Variants in PLAA observed in about 807,000 individuals in gnomAD.
The protein encoded by PLAA is phospholipase A2 activating protein, also known as phospholipase A-2-activating protein.
PLAA carries 48 observed loss-of-function variants against 84.1 expected under a neutral mutation model. The observed-to-expected ratio is 0.57, with a 90% CI of 0.45 to 0.73. The LOEUF (loss-of-function observed/expected upper bound fraction) is 0.73. Among genes scored for constraint, PLAA ranks in the 30% least tolerant of loss-of-function variants. The probability of loss-of-function intolerance (pLI) is 0.00; values close to 1 mark genes in which losing one functional copy is unlikely to be tolerated. For missense variants in PLAA, 903 were observed against 954.7 expected, an observed-to-expected ratio of 0.95 and a Z score of 0.71; for synonymous variants, 392 against 336.6, an observed-to-expected ratio of 1.16 and a Z score of -1.80.
intron 13 of PLAA, among the ~76,000 whole-genome samples, chr9:26,906,432 T>A (rs1824238942): frequency 6.7e-6 from 1 of 148,152 alleles, no homozygotes; most frequent in African/African-American, 2.5e-5. Flanking sequence ...TCTTTTTTTT[T>A]TTTTTTTTTT....
intron 1 of PLAA, among the ~76,000 whole-genome samples, chr9:26,938,506 T>G (rs972923006): frequency 2.1e-4 from 31 of 149,428 alleles, no homozygotes; most frequent in Non-Finnish European, 2.9e-5. Flanking sequence ...GAGCTATGAC[T>G]GTACCACTGT....
intron 6 of PLAA, among the ~76,000 whole-genome samples, chr9:26,924,934 C>G (rs1001354137): frequency 2.6e-5 from 4 of 152,192 alleles, no homozygotes; most frequent in African/African-American, 7.2e-5. Flanking sequence ...GGCTCACCAC[C>G]ACTGCAGACC....
intron 7 of PLAA, among the ~76,000 whole-genome samples, chr9:26,921,796 TAC>T (rs977387377): frequency 6.6e-5 from 10 of 152,210 alleles, no homozygotes; most frequent in Middle Eastern, 3.2e-3. Context: ...TGCATATTCA[TAC>T]AGTTTATTAT....
rs199939902 is a variant in PLAA, at chr9:26,933,788, CAAAAAA to C, written c.343+1219_343+1224del. ...TGGGCGACAGAGCGAGACTCTGCCTCAAAAAAAAAAAAAAAAAAAAAAAAATTTTTT... is the reference window on the plus strand; with the variant it reads ...TGGGCGACAGAGCGAGACTCTGCCTCAAAAAAAAAAAAAAAAAAATTTTTT... On this transcript the variant is annotated intron_variant, in intron 2 of 13. Coordinates refer to ENST00000397292, the MANE Select transcript of PLAA (RefSeq NM_001031689.3). Among the ~76,000 whole-genome samples the C allele has an allele frequency of 1.6e-3, 139 of 89,234 alleles. 2 individuals are homozygous for C. In the East Asian group the frequency reaches 0.022, roughly 14 times the overall value. 58.5% of individuals were successfully genotyped at this position (89,234 alleles called of 152,430 possible).
chr9:26,936,301 G>A (rs1165522782), intron 1 of PLAA, among the ~76,000 whole-genome samples: 1 of 152,042 alleles, frequency 6.6e-6, no homozygotes, highest in Non-Finnish European at 1.5e-5. Context: ...TTACAGAAAA[G>A]TAGTAAGGGC....
In PLAA at chr9:26,920,356, G is replaced by C. The variant is rs372992154; in HGVS notation, c.1068C>G (p.Ile356Met). Reference sequence around the variant, plus strand: ...AGGCTTCGACTTTCTCCCCATCTCTGATTAGACGAGTCTGTCCTTCTCTAG... The same window carrying C: ...AGGCTTCGACTTTCTCCCCATCTCTCATTAGACGAGTCTGTCCTTCTCTAG... ...PGTREGQTRL[I>M]RDGEKVEAYQ... Residue 356 changes from isoleucine (I) to methionine (M), a missense_variant, in exon 8 of 14, where the codon ATC becomes ATG. Transcript: ENST00000397292. 1.2e-5 allele frequency: 19 copies of C among 1,612,756 alleles called. No individual in the cohort carries two copies. The highest frequency in any genetic ancestry group is 1.7e-4 in the Middle Eastern group (1 of 6,060).
chr9:26,917,226 C>A, intron 9 of PLAA, 61 bp from the exon 10 acceptor site: 1 of 1,319,746 alleles, frequency 7.6e-7, no homozygotes, highest in South Asian at 1.2e-5. Context: ...TTTCAAACAG[C>A]ACAATGCTTG....
intron 1 of PLAA, among the ~76,000 whole-genome samples, chr9:26,940,074 AC>A (rs1825483719): frequency 6.6e-6 from 1 of 152,194 alleles, no homozygotes. Context: ...AAGCAAAGAC[AC>A]CTGCTACAGA....
chr9:26,920,156 T>C, intron 8 of PLAA, 71 bp downstream of exon 8: 2 of 1,300,642 alleles, frequency 1.5e-6, no homozygotes, highest in Non-Finnish European at 1.1e-6. Context: ...TTTATCACTA[T>C]GGGGCAAAGG....
intron 12 of PLAA, among the ~76,000 whole-genome samples, 158 bp downstream of exon 12, chr9:26,910,180 A>C (rs1824356549): frequency 6.6e-6 from 1 of 152,120 alleles, no homozygotes; most frequent in African/African-American, 2.4e-5. Context: ...CCTTTACCAG[A>C]CTGTATATTT....
intron 2 of PLAA, among the ~76,000 whole-genome samples, chr9:26,931,245 C>G (rs1421249519): frequency 6.6e-6 from 1 of 151,978 alleles, no homozygotes; most frequent in Non-Finnish European, 1.5e-5. Flanking sequence ...TTTATTCTGT[C>G]TTTTCTGTAT....
intron 1 of PLAA, among the ~76,000 whole-genome samples, chr9:26,943,795 A>G (rs1167135975): frequency 1.3e-5 from 2 of 152,044 alleles, no homozygotes; most frequent in Admixed American, 1.3e-4. Context: ...AAAAATAAAT[A>G]AATAAAAATT....
intron 10 of PLAA, chr9:26,915,759 A>G (rs1181002681): frequency 3.0e-6 from 3 of 985,102 alleles, no homozygotes; most frequent in African/African-American, 1.7e-5. Flanking sequence ...ACATTATGGA[A>G]CAGTGAGATA....
rs974449982 is a variant in PLAA at position 26,903,845 on chromosome 9, C to T, written c.*1666G>A. Among the ~76,000 whole-genome samples the T allele has an allele frequency of 6.6e-6, 1 of 152,142 alleles. No individual in the cohort carries two copies. Among genetic ancestry groups the T allele is most frequent in the African/African-American group, 2.4e-5 (1 of 41,426 alleles). ...ACATTTTGAAGAGGGAACTCATATT[C>T]TTAACCAAGACTGTTTCTTATCATT... On this transcript the variant is annotated 3_prime_UTR_variant, in exon 14 of 14. Transcript: ENST00000397292.
chr9:26,934,211 T>A (rs1391507733), intron 2 of PLAA, among the ~76,000 whole-genome samples: 5 of 152,222 alleles, frequency 3.3e-5, no homozygotes, highest in Non-Finnish European at 7.3e-5. Flanking sequence ...CGATTAAGCA[T>A]GTCATTCTAC....
Position 26,904,859 on chromosome 9 carries a change from C to T in PLAA, c.*652G>A, listed in dbSNP as rs1824179168. On this transcript the variant is annotated 3_prime_UTR_variant, in exon 14 of 14. Transcript: ENST00000397292. ...AGGGCAAAAGAAACTGGATCTAAGC[C>T]TGGAGTTAAATTGAGACCTCGTCTG... The T allele has an allele frequency of 6.6e-6, 1 of 152,202 alleles. No individual in the cohort carries two copies. Among genetic ancestry groups the T allele is most frequent in the African/African-American group, 2.4e-5 (1 of 41,394 alleles). 9.4% of individuals were successfully genotyped at this position (152,202 alleles called of 1,614,324 possible). A position where few individuals can be genotyped will look rare whatever the true frequency, so the allele number is the denominator to read the frequency against.
At chr9:26,935,690 CA>C (rs1437788698) in intron 1 of PLAA, among the ~76,000 whole-genome samples, 1 of 152,050 alleles carries the variant, frequency 6.6e-6, no homozygotes, top group Non-Finnish European at 1.5e-5. Flanking sequence ...ATAGCTAGAA[CA>C]GGGGTGTCAA....
chr9:26,909,838 A>C lies in PLAA; in HGVS notation c.1657+500T>G, dbSNP rs569385315. ...GGGGTTTCACCATGTTAGCCAGGCTAGTCTCGAACTCCTGACCTTAGGCAG... is the reference window on the plus strand; with the variant it reads ...GGGGTTTCACCATGTTAGCCAGGCTCGTCTCGAACTCCTGACCTTAGGCAG... On this transcript the variant is annotated intron_variant, in intron 12 of 13. Coordinates refer to ENST00000397292, the MANE Select transcript of PLAA (RefSeq NM_001031689.3). Among the ~76,000 whole-genome samples the C allele has an allele frequency of 6.8e-4, 103 of 152,148 alleles. 1 individual carries two copies. Among genetic ancestry groups the C allele is most frequent in the Admixed American group, 1.7e-3 (26 of 15,282 alleles).
chr9:26,932,333 T>C (rs1309313286), intron 2 of PLAA, among the ~76,000 whole-genome samples: 1 of 152,252 alleles, frequency 6.6e-6, no homozygotes, highest in Non-Finnish European at 1.5e-5. Flanking sequence ...GCCACCTGTA[T>C]TTGTATACCT....
Sources: allele counts gnomAD v4.1 joint callset (sites outside exome capture counted in the v4.1 genomes callset), GRCh38; gene constraint gnomAD v4.1.1; transcripts MANE v1.5; gene names NCBI Gene and HGNC (gene_info 2026-07-23, HGNC 2026-07-21).